The following GRM8 variants were observed in gnomAD, a reference collection of about 807,000 sequenced individuals.
GRM8 encodes the protein glutamate metabotropic receptor 8, also known as metabotropic glutamate receptor 8.
GRM8 carries 47 observed loss-of-function variants against 87.2 expected under a neutral mutation model. The observed-to-expected ratio is 0.54, with a 90% confidence interval of 0.43 to 0.69. The LOEUF is 0.69. Ranked by LOEUF, GRM8 falls within the 30% of genes least tolerant of loss-of-function variation. The pLI, the probability that GRM8 is intolerant of heterozygous loss-of-function variation, is 0.00. For synonymous variants in GRM8, 396 were observed against 404.5 expected, an observed-to-expected ratio of 0.98 and a Z score of 0.25; for missense variants, 1,019 against 1,139.2, an observed-to-expected ratio of 0.89 and a Z score of 1.52.
chr7:126,480,685 G>T (rs151018863), intron 9 of GRM8, among the ~76,000 whole-genome samples: 1 of 152,094 alleles, frequency 6.6e-6, no homozygotes, highest in Admixed American at 6.5e-5. Context: ...TCAGTAAAAC[G>T]CAAGGGCTTT....
At chr7:127,185,141 C>G (rs1238277129) in intron 2 of GRM8, among the ~76,000 whole-genome samples, 1 of 151,860 alleles carries the variant, frequency 6.6e-6, no homozygotes, top group Non-Finnish European at 1.5e-5. Flanking sequence ...AAGTTTTAAA[C>G]CTAGAATAAT....
chr7:126,878,013 C>G (rs182436952), intron 6 of GRM8, among the ~76,000 whole-genome samples: 2 of 152,208 alleles, frequency 1.3e-5, no homozygotes, highest in East Asian at 3.9e-4. Context: ...AAATTAAGGT[C>G]TCAGGACAGG....
At chr7:126,760,442 A>C (rs1190205656) in intron 7 of GRM8, among the ~76,000 whole-genome samples, 1 of 152,172 alleles carries the variant, frequency 6.6e-6, no homozygotes, top group Non-Finnish European at 1.5e-5. Context: ...TGAAAACCCC[A>C]CAGTTTAACA....
At chr7:127,004,831 A>G (rs950534985) in intron 3 of GRM8, among the ~76,000 whole-genome samples, 3 of 151,742 alleles carry the variant, frequency 2.0e-5, no homozygotes, top group Non-Finnish European at 4.4e-5. Flanking sequence ...TTTATAATGA[A>G]CATATGTTAC....
intron 2 of GRM8, among the ~76,000 whole-genome samples, chr7:127,224,967 G>T (rs1222782478): frequency 6.6e-6 from 1 of 152,072 alleles, no homozygotes; most frequent in Non-Finnish European, 1.5e-5. Context: ...AATAATAGTA[G>T]GCAATGATAA....
intron 2 of GRM8, among the ~76,000 whole-genome samples, chr7:127,182,627 AGTGTGGTGTGTGTGTGTGTGTGTGTGTGT>A: frequency 7.0e-6 from 1 of 143,182 alleles, no homozygotes; most frequent in African/African-American, 2.6e-5. Flanking sequence ...AGATAAAGAA[AGTGTGGTGTGTGTGTGTGTGTGTGTGTGT>A]GTGTGTGTGT....
intron 3 of GRM8, among the ~76,000 whole-genome samples, chr7:126,949,520 T>C (rs1807907223): frequency 6.6e-6 from 1 of 152,214 alleles, no homozygotes; most frequent in Non-Finnish European, 1.5e-5. Context: ...CAGGTTTATT[T>C]TTCATATGGC....
intron 7 of GRM8, among the ~76,000 whole-genome samples, chr7:126,747,479 T>C (rs954488771): frequency 2.0e-5 from 3 of 152,002 alleles, no homozygotes; most frequent in South Asian, 2.1e-4. Flanking sequence ...GACCAAACAA[T>C]CCATTTGATG....
intron 9 of GRM8, among the ~76,000 whole-genome samples, chr7:126,503,785 C>T (rs1454023210): frequency 6.6e-6 from 1 of 151,978 alleles, no homozygotes; most frequent in Non-Finnish European, 1.5e-5. Context: ...AGTTGTGTAG[C>T]TAGGTCACAC....
chr7:126,871,542 AAG>A (rs1279651834), intron 6 of GRM8, among the ~76,000 whole-genome samples: 2 of 152,204 alleles, frequency 1.3e-5, no homozygotes, highest in Admixed American at 1.3e-4. Flanking sequence ...AACAAGGCAG[AAG>A]AAAGAAGAGG....
At chr7:126,939,889 A>C (rs2131521495) in intron 3 of GRM8, among the ~76,000 whole-genome samples, 1 of 152,372 alleles carries the variant, frequency 6.6e-6, no homozygotes, top group African/African-American at 2.4e-5. Context: ...TGACCACTGC[A>C]GGCTAAGTGA....
chr7:127,238,938 T>C (rs913662033), intron 2 of GRM8, among the ~76,000 whole-genome samples: 16 of 152,274 alleles, frequency 1.1e-4, no homozygotes, highest in Non-Finnish European at 2.2e-4. Context: ...CCACAATTAG[T>C]GATCCTGAAG....
intron 7 of GRM8, among the ~76,000 whole-genome samples, chr7:126,720,587 C>T (rs1027578708): frequency 2.0e-5 from 3 of 152,116 alleles, no homozygotes; most frequent in Non-Finnish European, 4.4e-5. Context: ...AAGGATGACA[C>T]AGAAAGGATA....
intron 6 of GRM8, among the ~76,000 whole-genome samples, chr7:126,826,003 G>A (rs1032698111): frequency 6.6e-6 from 1 of 152,032 alleles, no homozygotes; most frequent in Non-Finnish European, 1.5e-5. Context: ...AGTTTACTGA[G>A]AATGATGATT....
At chr7:126,556,297 G>A (rs1221375159) in intron 8 of GRM8, among the ~76,000 whole-genome samples, 1 of 143,084 alleles carries the variant, frequency 7.0e-6, no homozygotes, top group Non-Finnish European at 1.5e-5. Flanking sequence ...GCTCAGGGAT[G>A]ACACTACTAG....
intron 6 of GRM8, among the ~76,000 whole-genome samples, chr7:126,781,146 T>C (rs1247208212): frequency 6.6e-6 from 1 of 152,178 alleles, no homozygotes. Flanking sequence ...AGAAATAGCA[T>C]GTCCTGCCAG....
At chr7:126,643,884 T>C (rs1394803761) in intron 7 of GRM8, among the ~76,000 whole-genome samples, 1 of 152,252 alleles carries the variant, frequency 6.6e-6, no homozygotes, top group African/African-American at 2.4e-5. Context: ...CACTCAACAG[T>C]GGGTCACCGA....
rs1808087444 is a variant in GRM8, at chr7:126,685,592, G to T, written c.1358-76094C>A. Among the ~76,000 whole-genome samples the T allele has an allele frequency of 1.3e-5, 2 of 152,148 alleles. No individual in the cohort carries two copies. The highest frequency in any genetic ancestry group is 2.9e-5 in the Non-Finnish European group (2 of 68,002). On this transcript the variant is annotated intron_variant, in intron 7 of 10. Coordinates refer to ENST00000339582, the MANE Select transcript of GRM8 (RefSeq NM_000845.3). This position sits in a 1 kb window ranked among gnomAD's most constrained non-coding sequence, Gnocchi z 4.2. ...GATCTTGGAGTAAGGTTGGGGCCAA[G>T]CCTGAGCACTGTTGCAGTTTGGCCA...
intron 3 of GRM8, among the ~76,000 whole-genome samples, chr7:127,092,041 C>A (rs796376432): frequency 3.9e-5 from 5 of 128,146 alleles, no homozygotes; most frequent in African/African-American, 1.5e-4. Flanking sequence ...TCCCCCCGTC[C>A]CACTGGTCAT....
Sources: gnomAD v4.1 joint callset for allele counts (sites outside exome capture counted in the v4.1 genomes callset) on GRCh38, gnomAD v4.1.1 for gene constraint, Gnocchi (gnomAD v3.1) non-coding constraint, MANE v1.5 for transcripts, NCBI Gene and HGNC (gene_info 2026-07-23, HGNC 2026-07-21) for gene names.